The following ATP6V1C1 variants were observed in gnomAD, a reference collection of about 807,000 sequenced individuals.
The protein encoded by ATP6V1C1 is ATPase H+ transporting V1 subunit C1, also known as V-type proton ATPase subunit C 1.
ATP6V1C1 carries 45 observed loss-of-function variants against 53.9 expected under a neutral mutation model. The ratio of observed to expected loss-of-function variants is 0.83; its 90% CI spans 0.66 to 1.07. ATP6V1C1 has a LOEUF of 1.07. ATP6V1C1 is among the 50% of genes least tolerant of loss of function. The pLI is 0.00. For missense variants in ATP6V1C1, 315 were observed against 440.3 expected (o/e 0.72, Z 2.55); for synonymous variants, 153 against 155.2 (o/e 0.99, Z 0.11).
chr8:103,029,510 C>T (rs1458314534), intron 1 of ATP6V1C1, among the ~76,000 whole-genome samples: 3 of 152,126 alleles, frequency 2.0e-5, no homozygotes, highest in African/African-American at 7.2e-5. Context: ...TCAGGTGATC[C>T]ACCCGCCTCA....
At chr8:103,030,147 T>G (rs1816771823) in intron 1 of ATP6V1C1, among the ~76,000 whole-genome samples, 1 of 146,114 alleles carries the variant, frequency 6.8e-6, no homozygotes, top group Non-Finnish European at 1.5e-5. Context: ...GCTGCAGCTG[T>G]TTTTTTTTTT....
At chr8:103,058,208 T>A (rs977112782) in intron 8 of ATP6V1C1, among the ~76,000 whole-genome samples, 1 of 152,190 alleles carries the variant, frequency 6.6e-6, no homozygotes, top group African/African-American at 2.4e-5. Context: ...AAGGGAACAG[T>A]TTAATGCAGT....
At chr8:103,067,111 G>T (rs1194776542) in intron 12 of ATP6V1C1, among the ~76,000 whole-genome samples, 1 of 151,610 alleles carries the variant, frequency 6.6e-6, no homozygotes, top group Non-Finnish European at 1.5e-5. Context: ...TAAAATTGTA[G>T]TGGGCCGCTG....
chr8:103,032,445 T>C (rs1194623076), intron 1 of ATP6V1C1, among the ~76,000 whole-genome samples: 1 of 152,016 alleles, frequency 6.6e-6, no homozygotes, highest in East Asian at 1.9e-4. Context: ...TGGAAAACAG[T>C]TTGTCAGTCT....
At chr8:103,025,876 A>G (rs1351056893) in intron 1 of ATP6V1C1, among the ~76,000 whole-genome samples, 1 of 152,248 alleles carries the variant, frequency 6.6e-6, no homozygotes, top group African/African-American at 2.4e-5. Flanking sequence ...AACTAATCTT[A>G]AAGTCTTTAA....
chr8:103,042,235 TAGGG>T, intron 2 of ATP6V1C1, 101 bp from the exon 3 acceptor site: 1 of 1,089,570 alleles, frequency 9.2e-7, no homozygotes, highest in East Asian at 2.4e-5. Context: ...TGAAATAAAA[TAGGG>T]AGAATTTAAG....
chr8:103,024,728 T>G (rs995188743), intron 1 of ATP6V1C1, among the ~76,000 whole-genome samples: 3 of 152,248 alleles, frequency 2.0e-5, no homozygotes, highest in African/African-American at 7.2e-5. Context: ...CTTGGGACGC[T>G]TAGGCAGTGA....
At chr8:103,023,349 G>T (rs910939551) in intron 1 of ATP6V1C1, among the ~76,000 whole-genome samples, 1 of 147,784 alleles carries the variant, frequency 6.8e-6, no homozygotes, top group African/African-American at 2.5e-5. Context: ...GGGGAGACCC[G>T]CTCAGGGGAA....
chr8:103,027,919 G>A (rs1165702890), intron 1 of ATP6V1C1, among the ~76,000 whole-genome samples: 4 of 151,936 alleles, frequency 2.6e-5, no homozygotes, highest in Non-Finnish European at 5.9e-5. Flanking sequence ...AGCTCCATGA[G>A]GACAGGGTCT....
intron 8 of ATP6V1C1, among the ~76,000 whole-genome samples, chr8:103,060,006 C>T (rs1237656114): frequency 5.4e-5 from 8 of 149,108 alleles, no homozygotes; most frequent in African/African-American, 2.0e-4. Context: ...CAGTCTCTCT[C>T]ACCCAGGCTG....
chr8:103,055,296 G>T (rs1023637866), intron 7 of ATP6V1C1, among the ~76,000 whole-genome samples: 27 of 151,984 alleles, frequency 1.8e-4, no homozygotes, highest in African/African-American at 6.0e-4. Flanking sequence ...CTCTATTCTG[G>T]CCTATACACA....
rs1027778517 is a variant in ATP6V1C1 at position 103,040,742 on chromosome 8, C to T, written c.-39-56C>T. On this transcript the variant is annotated intron_variant, in intron 1 of 12. Transcript: ENST00000518738. ...TATAACTTCTCCTATGATTCTGAAA[C>T]ACTTTAGAAACAAATGATTTTAAAT... The T allele has an allele frequency of 3.5e-6, 5 of 1,445,346 alleles. No individual in the cohort carries two copies. The African/African-American group carries it at 5.7e-5, about 17-fold the overall frequency. 89.5% of individuals were successfully genotyped at this position (1,445,346 alleles called of 1,614,324 possible).
At chr8:103,029,925 G>T (rs577195880) in intron 1 of ATP6V1C1, among the ~76,000 whole-genome samples, 3 of 152,140 alleles carry the variant, frequency 2.0e-5, no homozygotes, top group African/African-American at 7.2e-5. Context: ...TAGAGACAGG[G>T]TTTTACTATG....
chr8:103,034,759 C>G (rs572763722), intron 1 of ATP6V1C1, among the ~76,000 whole-genome samples: 145 of 151,846 alleles, frequency 9.5e-4, no homozygotes, highest in Non-Finnish European at 1.8e-3. Context: ...TTAGTAAAGA[C>G]ATGGTTTTGT....
intron 3 of ATP6V1C1, among the ~76,000 whole-genome samples, chr8:103,046,629 G>A (rs893264696): frequency 1.8e-4 from 28 of 152,032 alleles, no homozygotes; most frequent in African/African-American, 6.0e-4. Flanking sequence ...TTCATTGTTC[G>A]GCAAGCACAT....
intron 1 of ATP6V1C1, among the ~76,000 whole-genome samples, chr8:103,021,602 G>GC (rs1351382354): frequency 1.4e-5 from 2 of 140,402 alleles, no homozygotes; most frequent in Non-Finnish European, 3.1e-5. Context: ...CACAGCTAGC[G>GC]CAAGTGCCTT....
At chr8:103,039,380 T>G (rs1315780142) in intron 1 of ATP6V1C1, among the ~76,000 whole-genome samples, 1 of 152,238 alleles carries the variant, frequency 6.6e-6, no homozygotes, top group Non-Finnish European at 1.5e-5. Context: ...GTACTTTAAT[T>G]AAATTTTAGG....
Position 103,066,460 on chromosome 8 carries a change from T to A in ATP6V1C1, c.1053+13T>A, listed in dbSNP as rs751005265. On this transcript the variant is annotated intron_variant, in intron 12 of 12. Coordinates refer to ENST00000518738, the MANE Select transcript of ATP6V1C1 (RefSeq NM_001695.5). The stretch of plus-strand genomic sequence containing the variant: ...AGCTATTATTGATGTAAGTACTTAT[T>A]AGCCCAGTAGAGTAAGAATTGAAGT... 7.8e-6 allele frequency: 12 copies of A among 1,540,916 alleles called. No homozygotes were observed. The African/African-American group carries it at 1.7e-4, about 21-fold the overall frequency.
chr8:103,048,836 C>T (rs1817149973), intron 3 of ATP6V1C1, 34 bp from the exon 4 acceptor site: 1 of 1,563,310 alleles, frequency 6.4e-7, no homozygotes, highest in East Asian at 2.3e-5. Flanking sequence ...GATCTTTTTC[C>T]TGAGAATGGT....
Sources: allele counts gnomAD v4.1 joint callset (sites outside exome capture counted in the v4.1 genomes callset), GRCh38; gene constraint gnomAD v4.1.1; transcripts MANE v1.5; gene names NCBI Gene and HGNC (gene_info 2026-07-23, HGNC 2026-07-21).